LIN52: variants seen among roughly 807,000 people sequenced by gnomAD.
LIN52 encodes the protein protein lin-52 homolog.
Under a neutral mutation model 18.5 loss-of-function variants are expected in LIN52, and 4 were observed. The ratio of observed to expected loss-of-function variants is 0.22; its 90% CI spans 0.11 to 0.49. The LOEUF (loss-of-function observed/expected upper bound fraction) is 0.49, where lower values mean the gene tolerates loss of function less well. LIN52 is among the 20% of genes least tolerant of loss of function. LIN52 has a pLI of 0.97. For missense variants in LIN52, 102 were observed against 139.5 expected, an observed-to-expected ratio of 0.73 and a Z score of 1.35; for synonymous variants, 34 against 45.5, an observed-to-expected ratio of 0.75 and a Z score of 1.02.
intron 5 of LIN52, among the ~76,000 whole-genome samples, chr14:74,161,522 A>G (rs547146842): frequency 2.6e-5 from 4 of 152,334 alleles, no homozygotes; most frequent in Admixed American, 2.0e-4. Context: ...AATGTTAATT[A>G]GGTGAAAGGT....
chr14:74,164,669 A>G (rs1439920769), intron 5 of LIN52, among the ~76,000 whole-genome samples: 10 of 152,168 alleles, frequency 6.6e-5, no homozygotes, highest in Non-Finnish European at 1.5e-4. Flanking sequence ...CTCTCCGGTC[A>G]GGAAATTAGA....
chr14:74,091,160 C>G (rs929647057), intron 1 of LIN52, 72 bp from the exon 2 acceptor site: 3 of 1,098,962 alleles, frequency 2.7e-6, no homozygotes, highest in African/African-American at 1.5e-5. Flanking sequence ...AGTTTATGTC[C>G]TTTGAGATTG....
rs1176493069 is a variant in LIN52, at chr14:74,200,768, AT to A, written c.*1793del. On this transcript the variant is annotated 3_prime_UTR_variant, in exon 6 of 6. Coordinates refer to ENST00000555028, the MANE Select transcript of LIN52 (RefSeq NM_001024674.3). ...TGATTTTAATTTAAACTTATTATCG[AT>A]TGATATTTCTGTATCTCACTAAATG... 6.6e-6 allele frequency: 1 copy of A among 152,130 alleles called. No homozygotes were observed. The highest frequency in any genetic ancestry group is 1.5e-5 in the Non-Finnish European group (1 of 68,026). The allele number at this position is 152,130 out of a possible 1,614,324, so 9.4% of individuals were successfully genotyped here. A position where few individuals can be genotyped will look rare whatever the true frequency, so the allele number is the denominator to read the frequency against.
intron 5 of LIN52, among the ~76,000 whole-genome samples, chr14:74,158,777 C>T (rs558432306): frequency 1.2e-4 from 18 of 152,332 alleles, no homozygotes; most frequent in Admixed American, 9.1e-4. Flanking sequence ...TGCGCCCAGC[C>T]GTAAGTTATT....
chr14:74,104,508 C>G, intron 5 of LIN52, among the ~76,000 whole-genome samples: 1 of 150,070 alleles, frequency 6.7e-6, no homozygotes, highest in South Asian at 2.1e-4. Context: ...GATTACATTC[C>G]TGTGGTAGAG....
intron 2 of LIN52, among the ~76,000 whole-genome samples, chr14:74,093,123 T>G (rs550997431): frequency 6.6e-6 from 1 of 151,684 alleles, no homozygotes; most frequent in African/African-American, 2.4e-5. Flanking sequence ...AGCTAATTTT[T>G]GTATTTGTAG....
intron 5 of LIN52, among the ~76,000 whole-genome samples, chr14:74,149,533 A>C (rs1172609929): frequency 6.6e-6 from 1 of 152,160 alleles, no homozygotes; most frequent in Non-Finnish European, 1.5e-5. Context: ...TTGTCACTAT[A>C]AATAGGAGAA....
At chr14:74,117,041 C>G (rs1443756427) in intron 5 of LIN52, among the ~76,000 whole-genome samples, 1 of 152,074 alleles carries the variant, frequency 6.6e-6, no homozygotes, top group East Asian at 1.9e-4. Flanking sequence ...CAAAATTGTA[C>G]TTAAATCTCT....
chr14:74,157,455 A>ATT (rs386364186), intron 5 of LIN52, among the ~76,000 whole-genome samples: 2,829 of 69,350 alleles, frequency 0.041, 65 homozygotes, highest in Admixed American at 0.096. Flanking sequence ...ATATATATAT[A>ATT]TATATTTTTT....
intron 5 of LIN52, among the ~76,000 whole-genome samples, chr14:74,101,482 G>A (rs1191948209): frequency 3.4e-5 from 5 of 147,214 alleles, no homozygotes; most frequent in African/African-American, 7.6e-5. Context: ...TTTTTGAGAC[G>A]GAGTCTCGCT....
intron 5 of LIN52, among the ~76,000 whole-genome samples, chr14:74,164,752 C>A (rs924599673): frequency 6.6e-6 from 1 of 152,150 alleles, no homozygotes; most frequent in Admixed American, 6.6e-5. Flanking sequence ...TACAACTAAA[C>A]AGCCTGATCA....
rs2060808884 is a variant in LIN52 at position 74,095,947 on chromosome 14, G to A, written c.95-1G>A. On this transcript the variant is annotated splice_acceptor_variant, in intron 2 of 5. Coordinates refer to ENST00000555028, the MANE Select transcript of LIN52 (RefSeq NM_001024674.3). LOFTEE classifies it high-confidence loss of function. ...AAATAAAGTTTTGTTTTTCTTTTTA[G>A]TACCAGGTGTTGCTGAATTTGCAGC... 1.2e-6 allele frequency: 2 copies of A among 1,604,258 alleles called. No individual in the cohort carries two copies. The highest frequency in any genetic ancestry group is 2.7e-5 in the African/African-American group (2 of 74,512).
intron 5 of LIN52, among the ~76,000 whole-genome samples, chr14:74,126,878 T>A (rs1322396865): frequency 6.6e-6 from 1 of 152,210 alleles, no homozygotes; most frequent in Admixed American, 6.5e-5. Context: ...AAAATGTGAA[T>A]TTCACCTCAA....
chr14:74,112,532 CT>C (rs531243681), intron 5 of LIN52, among the ~76,000 whole-genome samples: 117 of 152,274 alleles, frequency 7.7e-4, no homozygotes, highest in African/African-American at 2.6e-3. Context: ...CTACCAGTGA[CT>C]TATCTTGTAT....
intron 5 of LIN52, among the ~76,000 whole-genome samples, chr14:74,110,105 T>C (rs1343283760): frequency 6.6e-6 from 1 of 152,214 alleles, no homozygotes; most frequent in Non-Finnish European, 1.5e-5. Flanking sequence ...TAACACTGAA[T>C]ATATTACCTT....
At chr14:74,117,306 G>A (rs1024647787) in intron 5 of LIN52, among the ~76,000 whole-genome samples, 2 of 152,202 alleles carry the variant, frequency 1.3e-5, no homozygotes, top group African/African-American at 4.8e-5. Flanking sequence ...TTAAGCAAAT[G>A]TTGGCCAAGA....
intron 5 of LIN52, among the ~76,000 whole-genome samples, chr14:74,179,671 AAAAAAAAG>A (rs869206925): frequency 1.1e-5 from 1 of 91,720 alleles, no homozygotes; most frequent in Non-Finnish European, 2.7e-5. Context: ...AAAAAAAAAG[AAAAAAAAG>A]AAAAAAAAAT....
At chr14:74,193,028 A>G (rs970452098) in intron 5 of LIN52, among the ~76,000 whole-genome samples, 9 of 152,052 alleles carry the variant, frequency 5.9e-5, no homozygotes, top group Admixed American at 1.3e-4. Context: ...TTTTATTTTT[A>G]AACTAAATGG....
chr14:74,125,387 T>C (rs1691351296), intron 5 of LIN52, among the ~76,000 whole-genome samples: 1 of 152,254 alleles, frequency 6.6e-6, no homozygotes, highest in South Asian at 2.1e-4. Flanking sequence ...CATTTTTTCA[T>C]GTGTCTTTTG....
Sources: gnomAD v4.1 joint callset for allele counts (sites outside exome capture counted in the v4.1 genomes callset) on GRCh38, gnomAD v4.1.1 for gene constraint, MANE v1.5 for transcripts, NCBI Gene and HGNC (gene_info 2026-07-23, HGNC 2026-07-21) for gene names.